EMB: variants seen among roughly 807,000 people sequenced by gnomAD.
EMB encodes the protein embigin homolog.
EMB carries 31 observed loss-of-function variants against 41.4 expected under a neutral mutation model. The observed-to-expected ratio is 0.75, with a 90% CI of 0.56 to 1.01. EMB has a LOEUF of 1.01. Among genes scored for constraint, EMB ranks in the 50% least tolerant of loss-of-function variants. EMB has a pLI of 0.00. For synonymous variants in EMB, 137 were observed against 140.4 expected, an observed-to-expected ratio of 0.98 and a Z score of 0.17; for missense variants, 379 against 388.3, an observed-to-expected ratio of 0.98 and a Z score of 0.20.
chr5:50,437,569 T>C (rs1745825398), intron 1 of EMB, among the ~76,000 whole-genome samples: 3 of 152,218 alleles, frequency 2.0e-5, no homozygotes, highest in Admixed American at 1.3e-4. Context: ...AATATCATTA[T>C]TTATTTGATG....
rs1427165453 is a variant in EMB, at chr5:50,399,135, A to C, written c.*138T>G. 8.6e-7 allele frequency: 1 copy of C among 1,159,620 alleles called. No individual in the cohort carries two copies. The highest frequency in any genetic ancestry group is 1.6e-5 in the African/African-American group (1 of 63,516). The allele number at this position is 1,159,620 out of a possible 1,614,324, so 71.8% of individuals were successfully genotyped here. A position where few individuals can be genotyped will look rare whatever the true frequency, so the allele number is the denominator to read the frequency against. ...TAGATCTGACATATATCGTTGATGAAGCTCCTGCTGAGCATGTTGCATAAG... is the reference window on the plus strand; with the variant it reads ...TAGATCTGACATATATCGTTGATGACGCTCCTGCTGAGCATGTTGCATAAG... On this transcript the variant is annotated 3_prime_UTR_variant, in exon 9 of 9. Transcript: ENST00000303221.
chr5:50,412,983 T>TA (rs1745368386), intron 2 of EMB, among the ~76,000 whole-genome samples: 1 of 150,564 alleles, frequency 6.6e-6, no homozygotes, highest in South Asian at 2.1e-4. Flanking sequence ...TAAGAGCCTC[T>TA]ACTTGTCTTT....
intron 7 of EMB, among the ~76,000 whole-genome samples, chr5:50,402,077 T>C (rs1745171319): frequency 6.6e-6 from 1 of 151,912 alleles, no homozygotes; most frequent in East Asian, 1.9e-4. Context: ...AGAAGAAAGC[T>C]GAAGTACAGA....
Position 50,398,271 on chromosome 5 carries a change from T to G in EMB, c.*1002A>C, listed in dbSNP as rs1248945953. On this transcript the variant is annotated 3_prime_UTR_variant, in exon 9 of 9. Coordinates refer to ENST00000303221, the MANE Select transcript of EMB (RefSeq NM_198449.3). Reference sequence around the variant, plus strand: ...TAAAATATTTCAGTTATATATGCAATAGAAACGAAGTATCCTATTTTGGAA... The same window carrying G: ...TAAAATATTTCAGTTATATATGCAAGAGAAACGAAGTATCCTATTTTGGAA... 2.0e-5 allele frequency: 3 copies of G among 151,950 alleles called. No individual in the cohort carries two copies. The East Asian group carries it at 5.8e-4, about 29-fold the overall frequency. The allele number at this position is 151,950 out of a possible 1,614,324, so 9.4% of individuals were successfully genotyped here.
intron 1 of EMB, among the ~76,000 whole-genome samples, chr5:50,436,382 C>A (rs1352574545): frequency 1.3e-5 from 2 of 152,110 alleles, no homozygotes; most frequent in African/African-American, 4.8e-5. Context: ...TAGTGAAAAA[C>A]CTAGATCCTA....
intron 1 of EMB, among the ~76,000 whole-genome samples, chr5:50,434,145 A>G (rs1213782830): frequency 1.3e-5 from 2 of 152,228 alleles, no homozygotes; most frequent in Non-Finnish European, 2.9e-5. Flanking sequence ...GGGATTAAAC[A>G]TATCTTTTTG....
At chr5:50,440,478 A>C (rs1289191356) in intron 1 of EMB, among the ~76,000 whole-genome samples, 1 of 139,206 alleles carries the variant, frequency 7.2e-6, no homozygotes, top group African/African-American at 2.8e-5. Flanking sequence ...GGTTGCGGTG[A>C]GCCGAGATCA....
intron 2 of EMB, among the ~76,000 whole-genome samples, chr5:50,412,150 C>T (rs1341172438): frequency 6.6e-6 from 1 of 151,776 alleles, no homozygotes; most frequent in Non-Finnish European, 1.5e-5. Flanking sequence ...TTACTCTTCC[C>T]ATCTACAGGT....
rs1269248190 is a variant in EMB, at chr5:50,397,630, T to A, written c.*1643A>T. 2 of 152,128 alleles carry A rather than the reference T, an allele frequency of 1.3e-5. No homozygotes were observed. The highest frequency in any genetic ancestry group is 2.9e-5 in the Non-Finnish European group (2 of 68,002). The allele number at this position is 152,128 out of a possible 1,614,324, so 9.4% of individuals were successfully genotyped here. ...TTTCCCTGAATTCAAATAGCTTAGA[T>A]TAATTAAGCTAACTGATTGGTTATC... On this transcript the variant is annotated 3_prime_UTR_variant, in exon 9 of 9. Coordinates refer to ENST00000303221, the MANE Select transcript of EMB (RefSeq NM_198449.3).
intron 4 of EMB, among the ~76,000 whole-genome samples, chr5:50,406,099 A>G (rs1360002784): frequency 1.3e-5 from 2 of 151,916 alleles, no homozygotes; most frequent in Non-Finnish European, 2.9e-5. Context: ...GCCTAACAAC[A>G]AAAGTATTGT....
At chr5:50,416,370 ATAGGTAACATTTT>A (rs1391841371) in intron 2 of EMB, among the ~76,000 whole-genome samples, 1 of 152,198 alleles carries the variant, frequency 6.6e-6, no homozygotes, top group African/African-American at 2.4e-5. Flanking sequence ...TCTTATTTTC[ATAGGTAACATTTT>A]TAAAGTATAT....
intron 7 of EMB, among the ~76,000 whole-genome samples, 186 bp downstream of exon 7, chr5:50,402,100 G>C (rs1021950395): frequency 1.3e-5 from 2 of 151,898 alleles, no homozygotes; most frequent in African/African-American, 4.8e-5. Flanking sequence ...AGTGCAGGTA[G>C]TAAGTGATGA....
chr5:50,404,608 T>C (rs1745219077), intron 5 of EMB, among the ~76,000 whole-genome samples: 1 of 151,996 alleles, frequency 6.6e-6, no homozygotes, highest in Non-Finnish European at 1.5e-5. Context: ...TGAAGGCTAA[T>C]GTTTTTCACA....
Position 50,407,046 on chromosome 5 carries a change from ACT to A in EMB, c.473-1196_473-1195del, listed in dbSNP as rs111312048. On this transcript the variant is annotated intron_variant, in intron 4 of 8. Transcript: ENST00000303221. ...CTGTTAGGCTCACCTTAAAACAAAC[ACT>A]GTTTTGGAGTGCAGGCTTTGCATTA... Among the ~76,000 whole-genome samples the A allele has an allele frequency of 6.0e-3, 915 of 152,002 alleles. 11 individuals are homozygous for A. The highest frequency in any genetic ancestry group is 0.02 in the African/African-American group (845 of 41,474).
At chr5:50,419,540 CACACACAT>C (rs1386590047) in intron 2 of EMB, among the ~76,000 whole-genome samples, 22 of 142,148 alleles carry the variant, frequency 1.5e-4, no homozygotes, top group African/African-American at 2.3e-4. Flanking sequence ...ACTACATACA[CACACACAT>C]ACACACACAC....
intron 2 of EMB, among the ~76,000 whole-genome samples, chr5:50,422,685 T>C (rs1745543962): frequency 6.6e-6 from 1 of 152,118 alleles, no homozygotes; most frequent in African/African-American, 2.4e-5. Flanking sequence ...TAATGAAACT[T>C]CTTCACAACT....
At chr5:50,438,681 A>G (rs1453078422) in intron 1 of EMB, among the ~76,000 whole-genome samples, 1 of 152,154 alleles carries the variant, frequency 6.6e-6, no homozygotes, top group Admixed American at 6.5e-5. Flanking sequence ...CCAGAGATCA[A>G]TACCGAATCT....
intron 2 of EMB, among the ~76,000 whole-genome samples, chr5:50,427,199 T>A (rs1475331014): frequency 1.3e-5 from 2 of 152,200 alleles, no homozygotes; most frequent in African/African-American, 4.8e-5. Flanking sequence ...ACCATTCCAC[T>A]CTCTGTGTAA....
At position 50,411,274 on chromosome 5, in the gene EMB, A is replaced by G; in HGVS notation, c.306T>C (p.Thr102=). The G allele has an allele frequency of 6.2e-7, 1 of 1,613,118 alleles. No homozygotes were observed. Among genetic ancestry groups the G allele is most frequent in the South Asian group, 1.1e-5 (1 of 90,988 alleles). The change falls in exon 3 of 9, where the codon ACT becomes ACC. Residue 102 remains threonine (T), a synonymous_variant. Transcript: ENST00000303221. Reference sequence around the variant, plus strand: ...CAAGTTGTTCACCATCTTTTTTCCAAGTCACATTTACTGCATTCAAATCCC... The same window carrying G: ...CAAGTTGTTCACCATCTTTTTTCCAGGTCACATTTACTGCATTCAAATCCC... ...TSGDLNAVNV[T]WKKDGEQLEN...
Sources: allele counts gnomAD v4.1 joint callset (sites outside exome capture counted in the v4.1 genomes callset), GRCh38; gene constraint gnomAD v4.1.1; transcripts MANE v1.5; gene names NCBI Gene and HGNC (gene_info 2026-07-23, HGNC 2026-07-21).